FBXO11: variants seen among roughly 807,000 people sequenced by gnomAD.
The protein encoded by FBXO11 is F-box only protein 11.
A neutral mutation model predicts 117.0 loss-of-function variants in FBXO11; 13 were observed. That is an observed-to-expected ratio of 0.11 (90% CI 0.07 to 0.18). FBXO11 has a LOEUF of 0.18. Ranked by LOEUF, FBXO11 falls within the 10% of genes least tolerant of loss-of-function variation. The pLI, the probability that FBXO11 is intolerant of heterozygous loss-of-function variation, is 1.00. For missense variants in FBXO11, 767 were observed against 1,164.4 expected, an observed-to-expected ratio of 0.66 and a Z score of 4.97; for synonymous variants, 490 against 380.5, an observed-to-expected ratio of 1.29 and a Z score of -3.35.
chr2:47,831,427 G>GAAAAA (rs920107554), intron 11 of FBXO11, among the ~76,000 whole-genome samples: 23 of 65,770 alleles, frequency 3.5e-4, no homozygotes, highest in South Asian at 6.2e-4. Context: ...GTCTCAAAAA[G>GAAAAA]AAAAAAAAAA....
rs763534618 is a variant in FBXO11, at chr2:47,811,840, C to G, written c.2227+1394G>C. 3.3e-5 allele frequency among the ~76,000 whole-genome samples: 5 copies of G among 152,316 alleles called. No individual in the cohort carries two copies. In the South Asian group the frequency reaches 1.0e-3, roughly 32 times the overall value. ...CTAGGCTGGTTTCCAACTCCAGACT[C>G]AAGTGATACTCCTGCCTTAGCCTCC... On this transcript the variant is annotated intron_variant, in intron 18 of 22. Transcript: ENST00000403359.
chr2:47,898,662 C>T lies in FBXO11; in HGVS notation c.232+6827G>A, dbSNP rs137890233. On this transcript the variant is annotated intron_variant, in intron 1 of 22. Coordinates refer to ENST00000403359, the MANE Select transcript of FBXO11 (RefSeq NM_001190274.2). ...TCTACATGAGAGGTAAAATTATAAT[C>T]AGAAGATTACTTGAAAAATGTGAAA... Among the ~76,000 whole-genome samples, 14 of 152,230 alleles carry T rather than the reference C, an allele frequency of 9.2e-5. No individual in the cohort carries two copies. In the East Asian group the frequency reaches 2.5e-3, roughly 27 times the overall value.
In FBXO11 at chr2:47,822,052, C is replaced by T. The variant is rs1049762974; in HGVS notation, c.1702+166G>A. 7.2e-5 allele frequency among the ~76,000 whole-genome samples: 11 copies of T among 152,108 alleles called. No individual in the cohort carries two copies. In the South Asian group the frequency reaches 1.4e-3, roughly 20 times the overall value. On this transcript the variant is annotated intron_variant, in intron 13 of 22. Coordinates refer to ENST00000403359, the MANE Select transcript of FBXO11 (RefSeq NM_001190274.2). ...TGTGAGCCATGTTTGTGCCACTGTG[C>T]TCCAGTCTGCACAAGAGAGTAAGAC... is the stretch of plus-strand genomic sequence containing the variant.
chr2:47,854,042 G>A (rs1358533759), intron 1 of FBXO11, among the ~76,000 whole-genome samples: 4 of 152,158 alleles, frequency 2.6e-5, no homozygotes, highest in Non-Finnish European at 1.5e-5. Flanking sequence ...GTCATTAGGA[G>A]AGGCTATAAA....
At chr2:47,870,600 TA>T (rs1372332964) in intron 1 of FBXO11, among the ~76,000 whole-genome samples, 4 of 152,200 alleles carry the variant, frequency 2.6e-5, no homozygotes, top group Admixed American at 6.5e-5. Flanking sequence ...GCTACTACCA[TA>T]ATCTACAAAT....
chr2:47,878,417 G>C (rs1476883593), intron 1 of FBXO11, among the ~76,000 whole-genome samples: 2 of 151,782 alleles, frequency 1.3e-5, no homozygotes, highest in African/African-American at 4.8e-5. Flanking sequence ...GAGTGCAGTA[G>C]CACGATCTCA....
chr2:47,874,842 A>G (rs1291666376), intron 1 of FBXO11, among the ~76,000 whole-genome samples: 3 of 151,528 alleles, frequency 2.0e-5, no homozygotes, highest in Non-Finnish European at 4.4e-5. Context: ...GCCACATACA[A>G]AATTTAAAAA....
intron 1 of FBXO11, among the ~76,000 whole-genome samples, chr2:47,899,444 C>G (rs1558484965): frequency 6.6e-6 from 1 of 152,104 alleles, no homozygotes; most frequent in African/African-American, 2.4e-5. Context: ...AAATATCTAT[C>G]ATGTGCTAGG....
In FBXO11 at chr2:47,832,580, G is replaced by T. The variant is rs375570039; in HGVS notation, c.1252C>A (p.His418Asn). The T allele has an allele frequency of 6.2e-7, 1 of 1,612,356 alleles. No individual in the cohort carries two copies. Among genetic ancestry groups the T allele is most frequent in the Non-Finnish European group, 8.5e-7 (1 of 1,179,432 alleles). ...ACAAAATTAAAAAATACCTGTGCAT[G>T]ATCTGTTATATATAGTCCAACATTT... ...CENVGLYITD[H>N]AQGIYEDNEI... The change falls in exon 10 of 23, where the codon CAT (histidine) becomes AAT (asparagine). Residue 418 changes from histidine to asparagine, a missense_variant. Physicochemically the swap from His to Asn is moderately conservative, Grantham distance 68. This residue lies in a region of FBXO11 where 33 missense variants were observed against 66.1 expected (regional missense o/e 0.50). Transcript: ENST00000403359.
intron 18 of FBXO11, 45 bp from the exon 19 acceptor site, chr2:47,810,471 G>C (rs564825923): frequency 2.5e-6 from 3 of 1,212,720 alleles, no homozygotes; most frequent in Non-Finnish European, 2.3e-6. Flanking sequence ...GCATATAACA[G>C]ACTACTAACC....
chr2:47,867,604 A>G (rs1017380145), intron 1 of FBXO11, among the ~76,000 whole-genome samples: 4 of 152,230 alleles, frequency 2.6e-5, no homozygotes, highest in Admixed American at 2.0e-4. Flanking sequence ...TATAGATTTG[A>G]GAAATTATTA....
At chr2:47,840,943 A>T (rs1169474513) in intron 1 of FBXO11, among the ~76,000 whole-genome samples, 1 of 152,194 alleles carries the variant, frequency 6.6e-6, no homozygotes, top group East Asian at 1.9e-4. Context: ...TCAAGCCTGT[A>T]ATCCCAGCAC....
chr2:47,838,748 G>C (rs1672785974), intron 4 of FBXO11, 111 bp downstream of exon 4: 1 of 907,836 alleles, frequency 1.1e-6, no homozygotes. Flanking sequence ...TTTTAATTTT[G>C]TTCCAACTAA....
chr2:47,905,526 C>T lies in FBXO11; in HGVS notation c.195G>A (p.Pro65=). The change falls in exon 1 of 23, where the codon CCG becomes CCA. Residue 65 remains proline, a synonymous_variant. Transcript: ENST00000403359. The stretch of plus-strand genomic sequence containing the variant: ...CGTTGTTCCGCTCCTGAGGCAGCGG[C>T]GGAGGCGGCGGTGGCGGCGGCGGAG... ...QQPPPPPPPP[P]PLPQERNNVG... 1 of 1,234,830 alleles carries T rather than the reference C, an allele frequency of 8.1e-7. No homozygotes were observed. Among genetic ancestry groups the T allele is most frequent in the Non-Finnish European group, 1.0e-6 (1 of 991,496 alleles). The allele number at this position is 1,234,830 out of a possible 1,614,324, so 76.5% of individuals were successfully genotyped here. A position where few individuals can be genotyped will look rare whatever the true frequency, so the allele number is the denominator to read the frequency against.
At chr2:47,871,122 G>A (rs1675594058) in intron 1 of FBXO11, among the ~76,000 whole-genome samples, 1 of 152,156 alleles carries the variant, frequency 6.6e-6, no homozygotes, top group Non-Finnish European at 1.5e-5. Context: ...AGGAAGTGGT[G>A]ATAGTATGCA....
At chr2:47,859,505 C>G (rs1174940777) in intron 1 of FBXO11, among the ~76,000 whole-genome samples, 4 of 152,184 alleles carry the variant, frequency 2.6e-5, no homozygotes, top group Non-Finnish European at 5.9e-5. Context: ...GTAACAGGCT[C>G]TAGATGATTT....
chr2:47,833,182 T>C (rs1572807285), intron 7 of FBXO11, 112 bp from the exon 8 acceptor site: 1 of 661,882 alleles, frequency 1.5e-6, no homozygotes, highest in Non-Finnish European at 2.6e-6. Context: ...GGGACTAATA[T>C]TCACTATCAG....
intron 13 of FBXO11, 32 bp downstream of exon 13, chr2:47,822,186 A>T (rs200084559): frequency 2.8e-6 from 4 of 1,417,756 alleles, no homozygotes; most frequent in Admixed American, 4.1e-5. Flanking sequence ...ATACAAATCT[A>T]TAAGTTTTAT....
At chr2:47,839,030 T>G (rs757614683) in intron 3 of FBXO11, 27 bp from the exon 4 acceptor site, 2 of 1,580,752 alleles carry the variant, frequency 1.3e-6, no homozygotes, top group African/African-American at 2.7e-5. Flanking sequence ...ATATAAACTA[T>G]CATTCGAGCA....
Sources: gnomAD v4.1 joint callset for allele counts (sites outside exome capture counted in the v4.1 genomes callset) on GRCh38, gnomAD v4.1.1 for gene constraint, gnomAD v4.1.1 regional missense constraint, MANE v1.5 for transcripts, NCBI Gene and HGNC (gene_info 2026-07-23, HGNC 2026-07-21) for gene names.